The following STX6 variants were observed in gnomAD, a reference collection of about 807,000 sequenced individuals.
STX6 encodes syntaxin-6.
STX6 carries 23 observed loss-of-function variants against 38.0 expected under a neutral mutation model. That is an observed-to-expected ratio of 0.60 (90% CI 0.43 to 0.86). The LOEUF (loss-of-function observed/expected upper bound fraction) is 0.86. Among genes scored for constraint, STX6 ranks in the 40% least tolerant of loss-of-function variants. The pLI is 0.00. For synonymous variants in STX6, 123 were observed against 107.5 expected (o/e 1.14, Z -0.89); for missense variants, 274 against 312.9 (o/e 0.88, Z 0.94).
At chr1:181,005,272 C>T (rs777366370) in intron 2 of STX6, 22 bp downstream of exon 2, 4 of 1,605,002 alleles carry the variant, frequency 2.5e-6, no homozygotes, top group African/African-American at 2.7e-5. Context: ...CCGAATGGCA[C>T]AGACACCACA....
intron 7 of STX6, among the ~76,000 whole-genome samples, chr1:180,977,464 C>A (rs1655288233): frequency 6.6e-6 from 1 of 152,186 alleles, no homozygotes; most frequent in South Asian, 2.1e-4. Flanking sequence ...ACAACACAAC[C>A]CTGTCATACA....
chr1:181,022,215 G>C (rs1015662174), intron 1 of STX6, among the ~76,000 whole-genome samples: 1 of 151,568 alleles, frequency 6.6e-6, no homozygotes, highest in African/African-American at 2.4e-5. Context: ...CCCCGTCAAC[G>C]CGAACTACAA....
intron 6 of STX6, among the ~76,000 whole-genome samples, chr1:180,985,227 A>T (rs1655540190): frequency 6.6e-6 from 1 of 152,100 alleles, no homozygotes; most frequent in Admixed American, 6.5e-5. Context: ...AATAACACAA[A>T]CTCAGTGGCA....
At chr1:180,988,437 C>A in intron 5 of STX6, 92 bp from the exon 6 acceptor site, 1 of 957,482 alleles carries the variant, frequency 1.0e-6, no homozygotes, top group Non-Finnish European at 1.6e-6. Flanking sequence ...TCTTTGCCAA[C>A]TTGGGACAAT....
In STX6 at chr1:180,976,360, G is replaced by A. The variant is rs1655248351; in HGVS notation, c.*210C>T. 1.8e-6 allele frequency: 1 copy of A among 545,754 alleles called. No individual in the cohort carries two copies. The highest frequency in any genetic ancestry group is 3.3e-6 in the Non-Finnish European group (1 of 301,118). The allele number at this position is 545,754 out of a possible 1,614,324, so 33.8% of individuals were successfully genotyped here. A position where few individuals can be genotyped will look rare whatever the true frequency, so the allele number is the denominator to read the frequency against. On this transcript the variant is annotated 3_prime_UTR_variant, in exon 8 of 8. Transcript: ENST00000258301. ...GCTTCTGTTGTCCAGCTGCAGCCAG[G>A]AGTGCAGACATCTATTTCCTCTTCC...
At chr1:181,002,298 C>T (rs1656104131) in intron 3 of STX6, among the ~76,000 whole-genome samples, 1 of 151,844 alleles carries the variant, frequency 6.6e-6, no homozygotes. Context: ...AACAGGTGTG[C>T]ACCACCATGC....
At position 181,010,251 on chromosome 1, in the gene STX6, T is replaced by C. The variant is rs143790037; in HGVS notation, c.36-4788A>G. 6.6e-4 allele frequency among the ~76,000 whole-genome samples: 101 copies of C among 152,254 alleles called. 1 individual carries two copies. The highest frequency in any genetic ancestry group is 2.3e-3 in the African/African-American group (97 of 41,542). On this transcript the variant is annotated intron_variant, in intron 1 of 7. Transcript: ENST00000258301. The stretch of plus-strand genomic sequence containing the variant: ...ATAACTTTAAAAAAATGAGAAAAAT[T>C]ATACTTGAGGGTCAAGATTTTATAA...
At chr1:180,996,640 A>G (rs1655922474) in intron 3 of STX6, among the ~76,000 whole-genome samples, 1 of 151,778 alleles carries the variant, frequency 6.6e-6, no homozygotes, top group Non-Finnish European at 1.5e-5. Context: ...TGGTGCCATC[A>G]CAGCTCACTG....
intron 3 of STX6, among the ~76,000 whole-genome samples, chr1:180,999,036 T>A (rs1655996829): frequency 6.6e-6 from 1 of 152,226 alleles, no homozygotes; most frequent in African/African-American, 2.4e-5. Context: ...TTCAAGGTCA[T>A]CTGTGCTCAC....
At chr1:181,011,782 C>G (rs531559213) in intron 1 of STX6, among the ~76,000 whole-genome samples, 3 of 152,274 alleles carry the variant, frequency 2.0e-5, no homozygotes, top group South Asian at 2.1e-4. Flanking sequence ...GAGGCATGAC[C>G]CACAAATGTC....
chr1:180,989,023 A>G (rs1300440948), intron 5 of STX6: 2 of 152,266 alleles, frequency 1.3e-5, no homozygotes, highest in African/African-American at 2.4e-5. Context: ...ATAAAACACA[A>G]TATTTAAGAA....
intron 7 of STX6, among the ~76,000 whole-genome samples, chr1:180,983,504 T>C (rs894504210): frequency 5.3e-5 from 8 of 152,246 alleles, no homozygotes; most frequent in Non-Finnish European, 8.8e-5. Context: ...ACATATCTTA[T>C]ACAGTAACTA....
In STX6 at chr1:180,976,379, C is replaced by T. The variant is rs1180320094; in HGVS notation, c.*191G>A. 1.2e-5 allele frequency: 7 copies of T among 583,144 alleles called. No homozygotes were observed. The East Asian group carries it at 1.8e-4, about 15-fold the overall frequency. 36.1% of individuals were successfully genotyped at this position (583,144 alleles called of 1,614,324 possible). ...AGCCAGGAGTGCAGACATCTATTTC[C>T]TCTTCCCACTGGCCCTTCCAGCGCT... is the stretch of plus-strand genomic sequence containing the variant. On this transcript the variant is annotated 3_prime_UTR_variant, in exon 8 of 8. Coordinates refer to ENST00000258301, the MANE Select transcript of STX6 (RefSeq NM_005819.6).
chr1:181,005,364 C>A lies in STX6; in HGVS notation c.135G>T (p.Trp45Cys), dbSNP rs139908486. The A allele has an allele frequency of 7.4e-5, 119 of 1,613,966 alleles. No homozygotes were observed. Among genetic ancestry groups the A allele is most frequent in the Non-Finnish European group, 6.4e-5 (76 of 1,180,012 alleles). ...PSTATREEID[W>C]TTNELRNNLR... Reference sequence around the variant, plus strand: ...GGTTATTTCTCAGCTCGTTGGTGGTCCAGTCGATTTCTTCCCTTGTTGCTG... The same window carrying A: ...GGTTATTTCTCAGCTCGTTGGTGGTACAGTCGATTTCTTCCCTTGTTGCTG... Residue 45 changes from tryptophan (W) to cysteine (C), a missense_variant, in exon 2 of 8, where the codon TGG becomes TGT. Coordinates refer to ENST00000258301, the MANE Select transcript of STX6 (RefSeq NM_005819.6).
At chr1:180,977,371 C>T (rs1655284990) in intron 7 of STX6, among the ~76,000 whole-genome samples, 1 of 152,230 alleles carries the variant, frequency 6.6e-6, no homozygotes, top group African/African-American at 2.4e-5. Context: ...CCCAGACAGG[C>T]CCTGGGGGAG....
chr1:181,010,878 T>G (rs1378221590), intron 1 of STX6, among the ~76,000 whole-genome samples: 1 of 152,194 alleles, frequency 6.6e-6, no homozygotes, highest in Non-Finnish European at 1.5e-5. Flanking sequence ...CCTTGTGATT[T>G]ACAGGCCATG....
At chr1:181,016,738 C>T (rs182729686) in intron 1 of STX6, among the ~76,000 whole-genome samples, 38 of 152,312 alleles carry the variant, frequency 2.5e-4, no homozygotes, top group African/African-American at 8.4e-4. Flanking sequence ...TCTTACTCAT[C>T]AGCTTACTTA....
chr1:180,996,312 TATTATATACTAGGC>T lies in STX6; in HGVS notation c.301-2901_301-2888del, dbSNP rs368996999. On this transcript the variant is annotated intron_variant, in intron 3 of 7. Transcript: ENST00000258301. The stretch of plus-strand genomic sequence containing the variant: ...CAGCAACACAATCCACACAATGCAG[TATTATATACTAGGC>T]ATTATGTACTAGGCATTGTGCTTAT... Among the ~76,000 whole-genome samples, 369 of 152,256 alleles carry T rather than the reference TATTATATACTAGGC, an allele frequency of 2.4e-3. 5 individuals are homozygous for T. The highest frequency in any genetic ancestry group is 8.5e-3 in the African/African-American group (354 of 41,532).
chr1:180,988,329 T>G lies in STX6; in HGVS notation c.506A>C (p.Gln169Pro). The G allele has an allele frequency of 6.2e-7, 1 of 1,613,754 alleles. No homozygotes were observed. The highest frequency in any genetic ancestry group is 8.5e-7 in the Non-Finnish European group (1 of 1,179,720). ...QAQQQLIVEQ[Q>P]DEQLELVSGS... The stretch of plus-strand genomic sequence containing the variant: ...AGAGACCAGCTCCAACTGCTCATCC[T>G]GCTGTTCCACGATCAACTGGTGCCA... Residue 169 changes from glutamine to proline, a missense_variant, in exon 6 of 8, where the codon CAG (glutamine) becomes CCG (proline). Coordinates refer to ENST00000258301, the MANE Select transcript of STX6 (RefSeq NM_005819.6).
Sources: allele counts gnomAD v4.1 joint callset (sites outside exome capture counted in the v4.1 genomes callset), GRCh38; gene constraint gnomAD v4.1.1; transcripts MANE v1.5; gene names NCBI Gene and HGNC (gene_info 2026-07-23, HGNC 2026-07-21).